DNAH3: variants seen among roughly 807,000 people sequenced by gnomAD.
DNAH3 encodes axonemal beta dynein heavy chain 3.
A neutral mutation model predicts 432.5 loss-of-function variants in DNAH3; 332 were observed. That is an observed-to-expected ratio of 0.77 (90% confidence interval 0.70 to 0.84). The LOEUF is 0.84. Ranked by LOEUF, DNAH3 falls within the 40% of genes least tolerant of loss-of-function variation. DNAH3 has a pLI of 0.00. For synonymous variants in DNAH3, 1,956 were observed against 1,900.2 expected, an observed-to-expected ratio of 1.03 and a Z score of -0.76; for missense variants, 4,861 against 5,114.0, an observed-to-expected ratio of 0.95 and a Z score of 1.51.
chr16:20,970,127 G>T, intron 51 of DNAH3, 137 bp from the exon 52 acceptor site: 1 of 786,080 alleles, frequency 1.3e-6, no homozygotes, highest in Non-Finnish European at 2.1e-6. Context: ...GGTGCCTGCC[G>T]CTGGAGCTGG....
intron 12 of DNAH3, among the ~76,000 whole-genome samples, chr16:21,113,878 C>T (rs2092128431): frequency 1.3e-5 from 2 of 152,186 alleles, no homozygotes; most frequent in Admixed American, 1.3e-4. Flanking sequence ...AATGAATGTG[C>T]TACAAATATT....
chr16:21,106,853 A>C (rs897462127), intron 14 of DNAH3, among the ~76,000 whole-genome samples, 179 bp from the exon 15 acceptor site: 1 of 152,116 alleles, frequency 6.6e-6, no homozygotes, highest in Admixed American at 6.6e-5. Flanking sequence ...TCACATGCAC[A>C]CTAAACTCCA....
chr16:20,954,165 A>G (rs1192875079), intron 55 of DNAH3, among the ~76,000 whole-genome samples: 2 of 150,576 alleles, frequency 1.3e-5, no homozygotes, highest in Non-Finnish European at 3.0e-5. Context: ...GGAGGTTGCA[A>G]TGAGCCAAGA....
At chr16:21,021,775 G>A (rs377739752) in intron 40 of DNAH3, among the ~76,000 whole-genome samples, 196 bp downstream of exon 40, 3 of 151,606 alleles carry the variant, frequency 2.0e-5, no homozygotes, top group Admixed American at 6.6e-5. Flanking sequence ...GAAGTGGTGC[G>A]TAACTTAATC....
At chr16:21,121,591 TTTTTTTC>T (rs1567827337) in intron 10 of DNAH3, among the ~76,000 whole-genome samples, 1 of 152,080 alleles carries the variant, frequency 6.6e-6, no homozygotes, top group South Asian at 2.1e-4. Context: ...GGTCTTTTTT[TTTTTTTC>T]TTTTTTCTTT....
chr16:21,034,028 C>A (rs768646066), exon 36 of DNAH3: 4 of 1,613,674 alleles, frequency 2.5e-6, no homozygotes, highest in Non-Finnish European at 3.4e-6. Context: ...GAGGTCTTGC[C>A]GCCCATGGGG....
At chr16:21,027,116 C>T in exon 38 of DNAH3, 1 of 1,613,464 alleles carries the variant, frequency 6.2e-7, no homozygotes, top group Middle Eastern at 1.6e-4. Context: ...TTTCCCCACT[C>T]ATGAGACACA....
At chr16:21,140,816 C>G in intron 4 of DNAH3, 106 bp from the exon 6 acceptor site, 1 of 969,752 alleles carries the variant, frequency 1.0e-6, no homozygotes, top group Non-Finnish European at 1.5e-6. Context: ...CAAATAGAAG[C>G]CTCTCTCCTC....
chr16:21,065,281 C>T lies in DNAH3; in HGVS notation c.3518+2002G>A, dbSNP rs573040144. ...GTTCAAGCAATTCTCCTGCCTCAGC[C>T]TCCCAGATAGCTGGGATTACAGGCA... On this transcript the variant is annotated intron_variant, in intron 24 of 61. Coordinates refer to ENST00000261383, the Ensembl canonical transcript of DNAH3. Among the ~76,000 whole-genome samples the T allele has an allele frequency of 4.6e-5, 7 of 152,198 alleles. No individual in the cohort carries two copies. In the South Asian group the frequency reaches 1.5e-3, roughly 32 times the overall value.
In DNAH3 at chr16:20,982,703, A is replaced by T; in HGVS notation, c.7859+18T>A. On this transcript the variant is annotated intron_variant, in intron 49 of 61. Coordinates refer to ENST00000261383, the Ensembl canonical transcript of DNAH3. ...AAATTTGGAATATCTAGAGTCCTAA[A>T]ATGCAATCAACACTTACTCTACCCG... The T allele has an allele frequency of 2.5e-6, 4 of 1,606,314 alleles. No homozygotes were observed. Among genetic ancestry groups the T allele is most frequent in the Non-Finnish European group, 3.4e-6 (4 of 1,174,686 alleles).
At chr16:21,156,775 C>G (rs1220381389) in intron 1 of DNAH3, among the ~76,000 whole-genome samples, 1 of 152,052 alleles carries the variant, frequency 6.6e-6, no homozygotes, top group Admixed American at 6.6e-5. Context: ...GATCCCAGCC[C>G]TGGAGGAACA....
chr16:20,974,691 G>C (rs868308499), intron 51 of DNAH3, among the ~76,000 whole-genome samples: 1 of 148,370 alleles, frequency 6.7e-6, no homozygotes, highest in South Asian at 2.2e-4. Context: ...AAAAATCTGG[G>C]ATCACAGGTG....
chr16:21,155,552 G>A (rs1028509812), intron 1 of DNAH3, among the ~76,000 whole-genome samples: 1 of 149,724 alleles, frequency 6.7e-6, no homozygotes. Context: ...AACCCAGGAG[G>A]TGGAGGTTGC....
At chr16:20,944,008 A>C (rs2083930445) in intron 58 of DNAH3, among the ~76,000 whole-genome samples, 1 of 152,008 alleles carries the variant, frequency 6.6e-6, no homozygotes, top group African/African-American at 2.4e-5. Flanking sequence ...AAAGAAAAGA[A>C]AAACAGCAAC....
At chr16:20,978,825 G>A (rs767186573) in intron 50 of DNAH3, among the ~76,000 whole-genome samples, 14 of 152,006 alleles carry the variant, frequency 9.2e-5, no homozygotes, top group African/African-American at 1.9e-4. Context: ...GATTACAGAC[G>A]TGAGCCACTG....
At chr16:20,948,835 C>T (rs2084178378) in intron 56 of DNAH3, among the ~76,000 whole-genome samples, 198 bp from the exon 57 acceptor site, 1 of 152,112 alleles carries the variant, frequency 6.6e-6, no homozygotes, top group African/African-American at 2.4e-5. Flanking sequence ...AAGCCTGAAA[C>T]CATGGCCCAA....
intron 10 of DNAH3, chr16:21,120,939 G>A (rs767748834): frequency 6.0e-6 from 6 of 992,174 alleles, no homozygotes; most frequent in Non-Finnish European, 9.4e-6. Flanking sequence ...GAGCTGCCCA[G>A]TGTTTCTTCT....
At chr16:21,077,690 G>A (rs2091023972) in intron 20 of DNAH3, among the ~76,000 whole-genome samples, 1 of 152,118 alleles carries the variant, frequency 6.6e-6, no homozygotes, top group East Asian at 1.9e-4. Context: ...TCCTAAAACC[G>A]AGGTGTGGCA....
Position 21,031,304 on chromosome 16 carries a change from A to T in DNAH3, c.5198-18T>A. On this transcript the variant is annotated intron_variant, in intron 36 of 61. Transcript: ENST00000261383. ...CTGATTGGCTGGGCAAGAAGGTTCA[A>T]CACCAGTTATAAAGGCTCTGGTGAG... 6.2e-7 allele frequency: 1 copy of T among 1,613,982 alleles called. No homozygotes were observed. The highest frequency in any genetic ancestry group is 1.3e-5 in the African/African-American group (1 of 75,048).
Sources: gnomAD v4.1 joint callset for allele counts (sites outside exome capture counted in the v4.1 genomes callset) on GRCh38, gnomAD v4.1.1 for gene constraint, MANE v1.5 for transcripts, NCBI Gene and HGNC (gene_info 2026-07-23, HGNC 2026-07-21) for gene names.